Variants in MED13L observed in about 807,000 individuals in gnomAD.
MED13L encodes mediator of RNA polymerase II transcription subunit 13-like.
A neutral mutation model predicts 220.9 loss-of-function variants in MED13L; 7 were observed. That is an observed-to-expected ratio of 0.03 (90% CI 0.02 to 0.06). MED13L has a LOEUF of 0.06. Among genes scored for constraint, MED13L ranks in the 10% least tolerant of loss-of-function variants. The pLI is 1.00. For missense variants in MED13L, 1,965 were observed against 2,760.5 expected (o/e 0.71, Z 6.46); for synonymous variants, 1,011 against 1,015.2 (o/e 1.00, Z 0.08).
chr12:116,046,852 AGT>A (rs1184461763), intron 4 of MED13L, among the ~76,000 whole-genome samples: 1 of 152,206 alleles, frequency 6.6e-6, no homozygotes. Context: ...GGGTGCCTGT[AGT>A]CCCAGCTACT....
At chr12:116,064,775 C>T (rs978590134) in intron 4 of MED13L, among the ~76,000 whole-genome samples, 2 of 152,154 alleles carry the variant, frequency 1.3e-5, no homozygotes, top group East Asian at 1.9e-4. Flanking sequence ...GACACTGGTA[C>T]GGCACTGAGA....
At chr12:116,191,082 ACT>A (rs1333123250) in intron 2 of MED13L, among the ~76,000 whole-genome samples, 32 of 146,062 alleles carry the variant, frequency 2.2e-4, no homozygotes, top group Non-Finnish European at 3.6e-4. Context: ...AAAGAGCGAG[ACT>A]CTGTCTCAAA....
At chr12:116,214,492 A>C (rs1046444334) in intron 2 of MED13L, among the ~76,000 whole-genome samples, 9 of 152,186 alleles carry the variant, frequency 5.9e-5, no homozygotes, top group Non-Finnish European at 5.9e-5. Context: ...TCAAAATATA[A>C]ACCAAGAACC....
In MED13L at chr12:116,143,813, T is replaced by A. The variant is rs562917144; in HGVS notation, c.311-32301A>T. Among the ~76,000 whole-genome samples, 4 of 152,306 alleles carry A rather than the reference T, an allele frequency of 2.6e-5. No individual in the cohort carries two copies. The South Asian group carries it at 8.3e-4, about 32-fold the overall frequency. On this transcript the variant is annotated intron_variant, in intron 2 of 30. Transcript: ENST00000281928. The stretch of plus-strand genomic sequence containing the variant: ...GACCTCACTAGGTTGTTCATATTCA[T>A]AGACAGGATATTAAAGTTACAGATC...
At chr12:116,193,230 G>C (rs1310905595) in intron 2 of MED13L, among the ~76,000 whole-genome samples, 1 of 152,116 alleles carries the variant, frequency 6.6e-6, no homozygotes, top group Non-Finnish European at 1.5e-5. Context: ...AGGATGGCTT[G>C]AGCCCAGGAG....
At chr12:116,172,927 C>CAAA (rs560335454) in intron 2 of MED13L, among the ~76,000 whole-genome samples, 49 of 59,992 alleles carry the variant, frequency 8.2e-4, no homozygotes, top group Non-Finnish European at 1.0e-3. Flanking sequence ...CCATTTAAGA[C>CAAA]AAAAAAAAAA....
At chr12:116,050,756 G>C (rs1208248064) in intron 4 of MED13L, among the ~76,000 whole-genome samples, 1 of 152,062 alleles carries the variant, frequency 6.6e-6, no homozygotes, top group Non-Finnish European at 1.5e-5. Flanking sequence ...AGCCAACATG[G>C]TGAAACCCCG....
intron 29 of MED13L, among the ~76,000 whole-genome samples, chr12:115,963,728 C>CA (rs1283338999): frequency 6.6e-6 from 1 of 152,034 alleles, no homozygotes; most frequent in Non-Finnish European, 1.5e-5. Context: ...AAAAAAAAAG[C>CA]AAACTTTTTG....
chr12:116,129,683 C>A (rs919760639), intron 2 of MED13L, among the ~76,000 whole-genome samples: 1 of 152,080 alleles, frequency 6.6e-6, no homozygotes, highest in Non-Finnish European at 1.5e-5. Flanking sequence ...CCAAGGTGGG[C>A]GGATCACCCA....
rs766084486 is a variant in MED13L, at chr12:116,007,368, A to T, written c.2238+43T>A. 6 of 1,558,188 alleles carry T rather than the reference A, an allele frequency of 3.9e-6. No individual in the cohort carries two copies. The Admixed American group carries it at 1.0e-4, about 26-fold the overall frequency. On this transcript the variant is annotated intron_variant, in intron 11 of 30. Coordinates refer to ENST00000281928, the MANE Select transcript of MED13L (RefSeq NM_015335.5). ...CCACACATGTTGTACTGACATAGATAGAAACCCACACCATGCTGGACTCTC... is the reference window on the plus strand; with the variant it reads ...CCACACATGTTGTACTGACATAGATTGAAACCCACACCATGCTGGACTCTC...
At chr12:116,276,660 A>T in intron 1 of MED13L, 1 of 1,184,230 alleles carries the variant, frequency 8.4e-7, no homozygotes, top group Non-Finnish European at 1.1e-6. Context: ...ACGGGGGAAG[A>T]GGTTGCCGAT....
chr12:116,006,724 T>G (rs769820358), intron 11 of MED13L: 23 of 416,256 alleles, frequency 5.5e-5, no homozygotes, highest in Non-Finnish European at 8.8e-5. Context: ...AACAACATTT[T>G]AGATGCTAAA....
chr12:116,221,948 TA>T (rs1868480230), intron 2 of MED13L, among the ~76,000 whole-genome samples: 1 of 152,186 alleles, frequency 6.6e-6, no homozygotes. Flanking sequence ...AAAGTGGTTA[TA>T]AAAGACCACA....
chr12:116,249,296 A>C (rs1464016819), intron 1 of MED13L, among the ~76,000 whole-genome samples: 1 of 152,220 alleles, frequency 6.6e-6, no homozygotes, highest in African/African-American at 2.4e-5. Context: ...TTCTAACCCA[A>C]GCTAATAATC....
At chr12:116,214,227 T>G (rs12822559) in intron 2 of MED13L, among the ~76,000 whole-genome samples, 2,040 of 152,280 alleles carry the variant, frequency 0.013, 21 homozygotes, top group Non-Finnish European at 0.021. Flanking sequence ...CACTTTTTCA[T>G]CGACAACTTG....
chr12:116,183,885 G>T, intron 2 of MED13L, among the ~76,000 whole-genome samples: 1 of 150,428 alleles, frequency 6.6e-6, no homozygotes, highest in Admixed American at 6.6e-5. Context: ...ATAGATAGTG[G>T]CTTCCCTGAC....
intron 4 of MED13L, among the ~76,000 whole-genome samples, chr12:116,031,710 GA>G (rs1566020513): frequency 2.7e-5 from 1 of 36,772 alleles, no homozygotes; most frequent in African/African-American, 9.7e-5. Flanking sequence ...GAAAAGAAAA[GA>G]AAAGAAAAGA....
intron 3 of MED13L, 45 bp downstream of exon 3, chr12:116,111,383 A>G: frequency 6.7e-7 from 1 of 1,491,804 alleles, no homozygotes; most frequent in East Asian, 2.3e-5. Context: ...ATCTAGCAAT[A>G]TACTTGGTTG....
rs74470926 is a variant in MED13L, at chr12:116,191,342, T to C, written c.310+46126A>G. Among the ~76,000 whole-genome samples the C allele has an allele frequency of 4.2e-3, 639 of 152,224 alleles. 27 individuals are homozygous for C. The East Asian group carries it at 0.092, about 22-fold the overall frequency. On this transcript the variant is annotated intron_variant, in intron 2 of 30. Coordinates refer to ENST00000281928, the MANE Select transcript of MED13L (RefSeq NM_015335.5). The stretch of plus-strand genomic sequence containing the variant: ...ATCTATTATTTGTGTTTTTTGTTTT[T>C]GTTTTTGAGGCAAAGTCTCACTCTG...
Sources: allele counts gnomAD v4.1 joint callset (sites outside exome capture counted in the v4.1 genomes callset), GRCh38; gene constraint gnomAD v4.1.1; transcripts MANE v1.5; gene names NCBI Gene and HGNC (gene_info 2026-07-23, HGNC 2026-07-21).